DPP10: variants seen among roughly 807,000 people sequenced by gnomAD.
DPP10 encodes dipeptidyl peptidase like 10.
A neutral mutation model predicts 120.9 loss-of-function variants in DPP10; 33 were observed. That is an observed-to-expected ratio of 0.27 (90% CI 0.21 to 0.37). The LOEUF is 0.37. Among genes scored for constraint, DPP10 ranks in the 10% least tolerant of loss-of-function variants. DPP10 has a pLI of 1.00. For synonymous variants in DPP10, 337 were observed against 326.1 expected, an observed-to-expected ratio of 1.03 and a Z score of -0.36; for missense variants, 816 against 942.8, an observed-to-expected ratio of 0.87 and a Z score of 1.76.
At chr2:115,093,860 G>A (rs1436923613) in intron 1 of DPP10, among the ~76,000 whole-genome samples, 1 of 152,056 alleles carries the variant, frequency 6.6e-6, no homozygotes, top group Non-Finnish European at 1.5e-5. Context: ...GTGTCTTTGT[G>A]TAGGCACATG....
chr2:114,816,438 C>T (rs1250286184), intron 1 of DPP10, among the ~76,000 whole-genome samples: 1 of 152,154 alleles, frequency 6.6e-6, no homozygotes, highest in Non-Finnish European at 1.5e-5. Context: ...CCATGGGCCA[C>T]CATCGTTTGC....
At chr2:115,378,697 G>C (rs1446266407) in intron 3 of DPP10, among the ~76,000 whole-genome samples, 1 of 151,972 alleles carries the variant, frequency 6.6e-6, no homozygotes, top group Non-Finnish European at 1.5e-5. Context: ...GTTTGTCATA[G>C]ATAGCTCTTA....
At chr2:115,370,984 G>C (rs2065371857) in intron 3 of DPP10, among the ~76,000 whole-genome samples, 1 of 152,096 alleles carries the variant, frequency 6.6e-6, no homozygotes, top group Non-Finnish European at 1.5e-5. Context: ...TGCCCAAAGA[G>C]TTGTGAAGGC....
chr2:115,605,427 C>T (rs1193452461), intron 5 of DPP10, among the ~76,000 whole-genome samples: 1 of 151,980 alleles, frequency 6.6e-6, no homozygotes, highest in African/African-American at 2.4e-5. Context: ...GTATATATTT[C>T]CCCAGTTTTG....
chr2:115,689,876 C>T lies in DPP10; in HGVS notation c.531C>T (p.Asp177=), dbSNP rs2091214264. 6 of 1,613,712 alleles carry T rather than the reference C, an allele frequency of 3.7e-6. No individual in the cohort carries two copies. The highest frequency in any genetic ancestry group is 5.1e-6 in the Non-Finnish European group (6 of 1,179,942). The change falls in exon 7 of 26, where the codon GAC becomes GAT. Residue 177 remains aspartate, a synonymous_variant. Coordinates refer to ENST00000410059, the MANE Select transcript of DPP10 (RefSeq NM_020868.6). ...AGTTAAATCCTCCAGAAGTAGAGGA[C>T]TCCGTCTTGCAGTACGCGGCCTGGG... is the stretch of plus-strand genomic sequence containing the variant. ...VWELNPPEVE[D]SVLQYAAWGV...
chr2:115,490,046 A>C (rs2076018722), intron 3 of DPP10, among the ~76,000 whole-genome samples: 1 of 152,138 alleles, frequency 6.6e-6, no homozygotes, highest in Non-Finnish European at 1.5e-5. Flanking sequence ...CTTTGACCCC[A>C]CTGATGACAT....
At chr2:114,807,031 C>G (rs1326455421) in intron 1 of DPP10, among the ~76,000 whole-genome samples, 1 of 152,168 alleles carries the variant, frequency 6.6e-6, no homozygotes. Flanking sequence ...TCATTTTTTA[C>G]CCAGCAGACA....
intron 1 of DPP10, among the ~76,000 whole-genome samples, chr2:114,850,476 A>T (rs1165702632): frequency 6.6e-6 from 1 of 152,192 alleles, no homozygotes; most frequent in African/African-American, 2.4e-5. Flanking sequence ...TTTAATGTGC[A>T]TTGCTTGATA....
intron 1 of DPP10, among the ~76,000 whole-genome samples, chr2:114,577,939 C>T (rs1290113339): frequency 1.3e-5 from 2 of 152,118 alleles, no homozygotes; most frequent in African/African-American, 4.8e-5. Context: ...ACTTAATGAC[C>T]TCATTTTAAC....
chr2:114,730,892 G>GC (rs1209178832), intron 1 of DPP10, among the ~76,000 whole-genome samples: 2 of 151,088 alleles, frequency 1.3e-5, no homozygotes, highest in Admixed American at 1.3e-4. Flanking sequence ...ACCTGGTCCA[G>GC]CTTTTTTTTT....
chr2:114,910,855 TTCTAAAATGA>T (rs1457638009), intron 1 of DPP10, among the ~76,000 whole-genome samples: 11 of 152,180 alleles, frequency 7.2e-5, no homozygotes, highest in African/African-American at 2.7e-4. Flanking sequence ...GAGCTTTATT[TTCTAAAATGA>T]TCTAAAGAAT....
chr2:115,703,397 A>G (rs964384199), intron 7 of DPP10, among the ~76,000 whole-genome samples: 2 of 151,944 alleles, frequency 1.3e-5, no homozygotes, highest in Middle Eastern at 3.2e-3. Context: ...ATATATCTCC[A>G]TATATATAGG....
intron 3 of DPP10, among the ~76,000 whole-genome samples, chr2:115,496,535 A>G (rs2076404771): frequency 6.6e-6 from 1 of 152,156 alleles, no homozygotes; most frequent in South Asian, 2.1e-4. Flanking sequence ...ATCACCCCTA[A>G]TAACAACCTA....
At chr2:114,480,261 C>A (rs972225843) in intron 1 of DPP10, among the ~76,000 whole-genome samples, 2 of 151,452 alleles carry the variant, frequency 1.3e-5, no homozygotes, top group Non-Finnish European at 2.9e-5. Context: ...GTTAGTGGGA[C>A]TGTAAACTAG....
intron 3 of DPP10, among the ~76,000 whole-genome samples, chr2:115,470,057 TA>T (rs904650585): frequency 1.4e-4 from 21 of 152,168 alleles, no homozygotes; most frequent in African/African-American, 2.4e-5. Flanking sequence ...CTCTGAACCC[TA>T]AAATGGCTTT....
intron 5 of DPP10, among the ~76,000 whole-genome samples, chr2:115,634,474 C>T (rs929808543): frequency 3.3e-5 from 5 of 152,040 alleles, no homozygotes; most frequent in Non-Finnish European, 7.4e-5. Context: ...CTTTCATAGG[C>T]GTGCTGCAGT....
At chr2:115,002,008 TC>T (rs1178030084) in intron 1 of DPP10, among the ~76,000 whole-genome samples, 3 of 152,108 alleles carry the variant, frequency 2.0e-5, no homozygotes, top group Non-Finnish European at 4.4e-5. Context: ...ACAATGACAT[TC>T]CTCACAGAAT....
chr2:115,716,620 T>G lies in DPP10; in HGVS notation c.577-11196T>G, dbSNP rs952829058. ...AAATTAATTCTGGACATGGGCATTTTGGAACCAAGTTCGCTTTTCTATGAT... is the reference window on the plus strand; with the variant it reads ...AAATTAATTCTGGACATGGGCATTTGGGAACCAAGTTCGCTTTTCTATGAT... On this transcript the variant is annotated intron_variant, in intron 7 of 25. Coordinates refer to ENST00000410059, the MANE Select transcript of DPP10 (RefSeq NM_020868.6). Among the ~76,000 whole-genome samples, 6 of 152,306 alleles carry G rather than the reference T, an allele frequency of 3.9e-5. No homozygotes were observed. The East Asian group carries it at 9.6e-4, about 24-fold the overall frequency.
chr2:114,570,232 A>G (rs1189288346), intron 1 of DPP10, among the ~76,000 whole-genome samples: 1 of 152,236 alleles, frequency 6.6e-6, no homozygotes, highest in African/African-American at 2.4e-5. Flanking sequence ...GACTTCCCAA[A>G]TGATAACAAA....
Sources: gnomAD v4.1 joint callset for allele counts (sites outside exome capture counted in the v4.1 genomes callset) on GRCh38, gnomAD v4.1.1 for gene constraint, MANE v1.5 for transcripts, NCBI Gene and HGNC (gene_info 2026-07-23, HGNC 2026-07-21) for gene names.